JARID2: variants seen among roughly 807,000 people sequenced by gnomAD.
The protein encoded by JARID2 is protein Jumonji.
Under a neutral mutation model 125.6 loss-of-function variants are expected in JARID2, and 21 were observed. The observed-to-expected ratio is 0.17, with a 90% CI of 0.12 to 0.24. The LOEUF is 0.24. Among genes scored for constraint, JARID2 ranks in the 10% least tolerant of loss-of-function variants. The pLI, the probability that JARID2 is intolerant of heterozygous loss-of-function variation, is 1.00. For missense variants in JARID2, 1,303 were observed against 1,639.6 expected (o/e 0.79, Z 3.55); for synonymous variants, 736 against 661.6 (o/e 1.11, Z -1.73).
rs144825148 is a variant in JARID2 at position 15,445,718 on chromosome 6, A to AAT, written c.324-6287_324-6286dup. 7.2e-3 allele frequency among the ~76,000 whole-genome samples: 1,090 copies of AAT among 152,266 alleles called. 13 individuals carry two copies. Among genetic ancestry groups the AAT allele is most frequent in the African/African-American group, 0.025 (1,037 of 41,522 alleles). ...TGTGAGGCCATGTGGAATACAATGAAATGCCAAGGGTTAGAAAAGCGCCTT... is the reference window on the plus strand; with the variant it reads ...TGTGAGGCCATGTGGAATACAATGAAATATGCCAAGGGTTAGAAAAGCGCCTT... On this transcript the variant is annotated intron_variant, in intron 3 of 17. Coordinates refer to ENST00000341776, the MANE Select transcript of JARID2 (RefSeq NM_004973.4).
chr6:15,408,156 G>A (rs1765725172), intron 2 of JARID2, among the ~76,000 whole-genome samples: 1 of 152,040 alleles, frequency 6.6e-6, no homozygotes, highest in Admixed American at 6.6e-5. Flanking sequence ...CTCAGCTGAG[G>A]CAGGAGGATT....
chr6:15,308,319 T>C (rs1761904728), intron 1 of JARID2, among the ~76,000 whole-genome samples: 1 of 152,166 alleles, frequency 6.6e-6, no homozygotes, highest in South Asian at 2.1e-4. Context: ...TGTGTGGAAA[T>C]AGAAGCCAGA....
intron 1 of JARID2, among the ~76,000 whole-genome samples, chr6:15,287,377 T>A (rs375360806): frequency 2.0e-5 from 3 of 152,374 alleles, no homozygotes; most frequent in Admixed American, 1.3e-4. Flanking sequence ...GTAATATGTT[T>A]CTTTGTCCTT....
intron 3 of JARID2, among the ~76,000 whole-genome samples, chr6:15,413,002 GTTTTTGTTTTTTTTTTTTTTGT>G (rs1765955579): frequency 2.1e-5 from 1 of 46,532 alleles, no homozygotes; most frequent in Non-Finnish European, 3.9e-5. Context: ...AAGAGCTTGT[GTTTTTGTTTTTTTTTTTTTTGT>G]TTTTTTTTTT....
intron 4 of JARID2, among the ~76,000 whole-genome samples, chr6:15,465,504 C>CA (rs1254938603): frequency 6.6e-6 from 1 of 151,316 alleles, no homozygotes; most frequent in Admixed American, 6.6e-5. Flanking sequence ...CTGAACTGAG[C>CA]GTCTAGATAT....
intron 1 of JARID2, among the ~76,000 whole-genome samples, chr6:15,296,421 T>A (rs1303768959): frequency 1.3e-5 from 2 of 152,162 alleles, no homozygotes; most frequent in Non-Finnish European, 2.9e-5. Context: ...ACTTAGTTTG[T>A]GGTTATGTTT....
At chr6:15,321,247 AAAGGGAATG>A (rs1762344068) in intron 1 of JARID2, among the ~76,000 whole-genome samples, 1 of 152,182 alleles carries the variant, frequency 6.6e-6, no homozygotes, top group Non-Finnish European at 1.5e-5. Context: ...TTGTGGGGAT[AAAGGGAATG>A]AAGGGAATGT....
chr6:15,276,661 C>G (rs973361294), intron 1 of JARID2, among the ~76,000 whole-genome samples: 1 of 152,068 alleles, frequency 6.6e-6, no homozygotes, highest in Non-Finnish European at 1.5e-5. Context: ...GGTCGGAGAT[C>G]TTTTTTCATT....
chr6:15,274,622 T>A (rs1760426904), intron 1 of JARID2, among the ~76,000 whole-genome samples: 1 of 151,854 alleles, frequency 6.6e-6, no homozygotes, highest in African/African-American at 2.4e-5. Flanking sequence ...AGGAGGTGAG[T>A]GGGAGATTTC....
chr6:15,369,447 T>C (rs1170160892), intron 1 of JARID2: 3 of 304,452 alleles, frequency 9.9e-6, no homozygotes, highest in African/African-American at 2.2e-5. Flanking sequence ...AAAGGGCGTA[T>C]TCCTGTGTCC....
chr6:15,289,698 C>A (rs974830810), intron 1 of JARID2, among the ~76,000 whole-genome samples: 1 of 152,074 alleles, frequency 6.6e-6, no homozygotes, highest in Non-Finnish European at 1.5e-5. Flanking sequence ...ACTAAAAATA[C>A]ACACGGGCGT....
intron 1 of JARID2, chr6:15,248,860 G>A: frequency 2.1e-6 from 2 of 970,658 alleles, no homozygotes; most frequent in South Asian, 9.4e-5. Context: ...GAGCTGGGCG[G>A]GGGCGGGGGC....
At chr6:15,406,886 A>G (rs575328463) in intron 2 of JARID2, among the ~76,000 whole-genome samples, 1 of 151,892 alleles carries the variant, frequency 6.6e-6, no homozygotes, top group African/African-American at 2.4e-5. Flanking sequence ...TTTTGTCTCT[A>G]TTTGTCACGT....
intron 1 of JARID2, among the ~76,000 whole-genome samples, chr6:15,271,957 G>A (rs1182280877): frequency 1.3e-5 from 2 of 152,186 alleles, no homozygotes; most frequent in African/African-American, 4.8e-5. Flanking sequence ...CTGAGATCAT[G>A]CCACTGCACT....
chr6:15,321,867 A>G (rs1296625302), intron 1 of JARID2, among the ~76,000 whole-genome samples: 1 of 125,872 alleles, frequency 7.9e-6, no homozygotes, highest in African/African-American at 3.1e-5. Context: ...ATCTCGGCTC[A>G]CTGCAAACTT....
At position 15,513,415 on chromosome 6, in the gene JARID2, T is replaced by C; in HGVS notation, c.3443T>C (p.Leu1148Pro). The C allele has an allele frequency of 6.2e-7, 1 of 1,601,598 alleles. No homozygotes were observed. Among genetic ancestry groups the C allele is most frequent in the Non-Finnish European group, 8.5e-7 (1 of 1,171,686 alleles). ...RCQICQHLCYLSMVVQENENV... is the reference protein window; with the variant it reads ...RCQICQHLCYPSMVVQENENV... ...CAGATCTGCCAGCACCTGTGCTACC[T>C]GTCCATGGTGAGCCCGCCTGGCCCT... The change falls in exon 16 of 18, where the codon CTG becomes CCG. Residue 1148 changes from leucine to proline, a missense_variant. Transcript: ENST00000341776.
At chr6:15,296,037 A>C (rs752676775) in intron 1 of JARID2, among the ~76,000 whole-genome samples, 18 of 152,218 alleles carry the variant, frequency 1.2e-4, no homozygotes, top group Non-Finnish European at 2.1e-4. Flanking sequence ...CCATTTCGTA[A>C]GGCTAGACTC....
intron 4 of JARID2, among the ~76,000 whole-genome samples, chr6:15,463,385 C>T (rs1366375441): frequency 4.6e-5 from 7 of 151,210 alleles, no homozygotes; most frequent in Non-Finnish European, 8.8e-5. Context: ...AGAGTCCACC[C>T]CTGAGAACGC....
intron 1 of JARID2, among the ~76,000 whole-genome samples, chr6:15,367,678 C>T (rs1211472460): frequency 6.6e-6 from 1 of 152,152 alleles, no homozygotes; most frequent in African/African-American, 2.4e-5. Context: ...TACTTCGTTT[C>T]CCCCATACCT....
Sources: allele counts gnomAD v4.1 joint callset (sites outside exome capture counted in the v4.1 genomes callset), GRCh38; gene constraint gnomAD v4.1.1; transcripts MANE v1.5; gene names NCBI Gene and HGNC (gene_info 2026-07-23, HGNC 2026-07-21).